Variants in NEK6 observed in about 807,000 individuals in gnomAD.
NEK6 encodes the protein NIMA related kinase 6, also known as serine/threonine-protein kinase Nek6.
A neutral mutation model predicts 43.5 loss-of-function variants in NEK6; 27 were observed. The ratio of observed to expected loss-of-function variants is 0.62; its 90% CI spans 0.46 to 0.86. The LOEUF (loss-of-function observed/expected upper bound fraction) is 0.86. NEK6 is among the 40% of genes least tolerant of loss of function. NEK6 has a pLI of 0.00. For missense variants in NEK6, 318 were observed against 414.4 expected, an observed-to-expected ratio of 0.77 and a Z score of 2.02; for synonymous variants, 167 against 164.1, an observed-to-expected ratio of 1.02 and a Z score of -0.14.
chr9:124,277,199 C>G (rs1831683319), intron 1 of NEK6, among the ~76,000 whole-genome samples: 1 of 152,176 alleles, frequency 6.6e-6, no homozygotes. Flanking sequence ...AATTCCAGCA[C>G]TTTGGGAGGC....
intron 1 of NEK6, among the ~76,000 whole-genome samples, chr9:124,293,742 G>C (rs528275196): frequency 6.6e-6 from 1 of 152,310 alleles, no homozygotes; most frequent in East Asian, 1.9e-4. Flanking sequence ...ACGCCCCCTG[G>C]GTGGCCCTCT....
intron 8 of NEK6, among the ~76,000 whole-genome samples, chr9:124,345,751 C>G (rs972565475): frequency 1.3e-5 from 2 of 152,244 alleles, no homozygotes; most frequent in African/African-American, 4.8e-5. Context: ...AATCCTCCAG[C>G]TGCAACTCGG....
At chr9:124,321,994 G>T (rs1194279933) in intron 5 of NEK6, among the ~76,000 whole-genome samples, 3 of 152,214 alleles carry the variant, frequency 2.0e-5, no homozygotes, top group Non-Finnish European at 4.4e-5. Flanking sequence ...CACCCCGTTT[G>T]GTCAGACCCC....
intron 3 of NEK6, among the ~76,000 whole-genome samples, chr9:124,313,700 T>C (rs1024939605): frequency 6.6e-6 from 1 of 152,060 alleles, no homozygotes; most frequent in African/African-American, 2.4e-5. Flanking sequence ...ACCTGGGCTC[T>C]CTGTCTTGGT....
In NEK6 at chr9:124,351,996, CAT is replaced by C. The variant is rs1204019339; in HGVS notation, c.*1050_*1051del. 33 of 152,700 alleles carry C rather than the reference CAT, an allele frequency of 2.2e-4. No homozygotes were observed. The highest frequency in any genetic ancestry group is 1.4e-3 in the Admixed American group (21 of 15,284). 9.5% of individuals were successfully genotyped at this position (152,700 alleles called of 1,614,324 possible). A position where few individuals can be genotyped will look rare whatever the true frequency, so the allele number is the denominator to read the frequency against. On this transcript the variant is annotated 3_prime_UTR_variant, in exon 10 of 10. Transcript: ENST00000320246. Reference sequence around the variant, plus strand: ...GTCGAGAATTAATGTACACCTGTATCATGTGTAGGAAACCAGAAATGTGTTCC... The same window carrying C: ...GTCGAGAATTAATGTACACCTGTATCGTGTAGGAAACCAGAAATGTGTTCC...
rs778322409 is a variant in NEK6, at chr9:124,347,794, C to A, written c.803C>A (p.Pro268Gln). 1.2e-6 allele frequency: 2 copies of A among 1,612,824 alleles called. No individual in the cohort carries two copies. Among genetic ancestry groups the A allele is most frequent in the Non-Finnish European group, 1.7e-6 (2 of 1,179,116 alleles). Reference sequence around the variant, plus strand: ...AAGATCGAGCAGTGTGACTACCCCCCACTCCCCGGGGAGCACTACTCCGAG... The same window carrying A: ...AAGATCGAGCAGTGTGACTACCCCCAACTCCCCGGGGAGCACTACTCCGAG... ...CQKIEQCDYP[P>Q]LPGEHYSEKL... The change falls in exon 9 of 10, where the codon CCA (proline) becomes CAA (glutamine). Residue 268 changes from proline (P) to glutamine (Q), a missense_variant. Around this residue, in one of 2 missense-constraint regions of NEK6, gnomAD observed 79 missense variants for 70.0 expected, o/e 1.13. Coordinates refer to ENST00000320246, the MANE Select transcript of NEK6 (RefSeq NM_014397.6).
intron 8 of NEK6, among the ~76,000 whole-genome samples, chr9:124,347,151 C>T (rs975159673): frequency 6.6e-6 from 1 of 152,212 alleles, no homozygotes; most frequent in African/African-American, 2.4e-5. Context: ...ACCCCCTGCT[C>T]CCCCTGCCCT....
At position 124,351,001 on chromosome 9, in the gene NEK6, C is replaced by A; in HGVS notation, c.*54C>A. 7.5e-7 allele frequency: 1 copy of A among 1,333,590 alleles called. No homozygotes were observed. Among genetic ancestry groups the A allele is most frequent in the South Asian group, 1.2e-5 (1 of 83,876 alleles). 82.6% of individuals were successfully genotyped at this position (1,333,590 alleles called of 1,614,324 possible). Reference sequence around the variant, plus strand: ...CAGCACCACTTTGCCTTACTTGAGTCGTCTTCTCTTCGAGTGGCCACCTGG... The same window carrying A: ...CAGCACCACTTTGCCTTACTTGAGTAGTCTTCTCTTCGAGTGGCCACCTGG... On this transcript the variant is annotated 3_prime_UTR_variant, in exon 10 of 10. Coordinates refer to ENST00000320246, the MANE Select transcript of NEK6 (RefSeq NM_014397.6).
At chr9:124,305,640 C>G (rs2130818622) in intron 2 of NEK6, among the ~76,000 whole-genome samples, 1 of 151,752 alleles carries the variant, frequency 6.6e-6, no homozygotes, top group South Asian at 2.1e-4. Context: ...GGTTTTTTTC[C>G]TGCCATGGGA....
rs1271715419 is a variant in NEK6, at chr9:124,324,097, G to GAGCT, written c.406-2232_406-2229dup. On this transcript the variant is annotated intron_variant, in intron 5 of 9. Transcript: ENST00000320246. This position sits in a 1 kb window ranked among gnomAD's most constrained non-coding sequence, Gnocchi z 5.3. ...CCCGGCTCAGGGGCCCTCACCTGCAGAGCTGGCTCGGTGCAGCCGCCAGCA... is the reference window on the plus strand; with the variant it reads ...CCCGGCTCAGGGGCCCTCACCTGCAGAGCTAGCTGGCTCGGTGCAGCCGCCAGCA... Among the ~76,000 whole-genome samples, 1 of 152,174 alleles carries GAGCT rather than the reference G, an allele frequency of 6.6e-6. No individual in the cohort carries two copies. Among genetic ancestry groups the GAGCT allele is most frequent in the Non-Finnish European group, 1.5e-5 (1 of 68,038 alleles).
intron 1 of NEK6, chr9:124,292,313 CA>C (rs1279308938): frequency 1.4e-6 from 2 of 1,405,072 alleles, no homozygotes; most frequent in Non-Finnish European, 1.9e-6. Flanking sequence ...TAGCCTGGGA[CA>C]GGGGTGGCTG....
intron 1 of NEK6, chr9:124,292,738 G>A: frequency 2.6e-6 from 3 of 1,162,656 alleles, no homozygotes; most frequent in Non-Finnish European, 3.5e-6. Context: ...CTGGCCTCAG[G>A]TGTTTCTGTA....
At chr9:124,285,380 A>G (rs1001522536) in intron 1 of NEK6, among the ~76,000 whole-genome samples, 21 of 152,162 alleles carry the variant, frequency 1.4e-4, no homozygotes, top group African/African-American at 4.8e-4. Context: ...CCCCTCCTGC[A>G]GTCTCAGAGG....
intron 1 of NEK6, among the ~76,000 whole-genome samples, chr9:124,286,765 G>T (rs1003194956): frequency 1.3e-5 from 2 of 152,246 alleles, no homozygotes; most frequent in African/African-American, 4.8e-5. Context: ...TCTGCTGGGC[G>T]CCCCAGCCAT....
chr9:124,269,370 A>C (rs1208642223), intron 1 of NEK6, among the ~76,000 whole-genome samples: 1 of 150,740 alleles, frequency 6.6e-6, no homozygotes, highest in African/African-American at 2.4e-5. Flanking sequence ...GCTTGGTGCT[A>C]ACTGGACTTT....
chr9:124,279,307 T>C (rs1831789764), intron 1 of NEK6, among the ~76,000 whole-genome samples: 2 of 150,184 alleles, frequency 1.3e-5, no homozygotes, highest in African/African-American at 4.9e-5. Flanking sequence ...TCCCTTTTTT[T>C]TTTTTTTTTT....
intron 1 of NEK6, among the ~76,000 whole-genome samples, chr9:124,283,291 C>T (rs760821031): frequency 3.9e-5 from 6 of 152,222 alleles, no homozygotes; most frequent in African/African-American, 7.2e-5. Context: ...GAGCCCAGAA[C>T]GTAAATTTCA....
At chr9:124,321,436 T>G in intron 4 of NEK6, 23 bp from the exon 5 acceptor site, 1 of 1,510,770 alleles carries the variant, frequency 6.6e-7, no homozygotes, top group Non-Finnish European at 9.2e-7. Flanking sequence ...GGTGCCCCCT[T>G]CCCTCTTTCC....
At position 124,330,759 on chromosome 9, in the gene NEK6, G is replaced by A. The variant is rs182352197; in HGVS notation, c.622+3314G>A. Among the ~76,000 whole-genome samples, 454 of 152,286 alleles carry A rather than the reference G, an allele frequency of 3.0e-3. 3 individuals carry two copies. Among genetic ancestry groups the A allele is most frequent in the African/African-American group, 0.01 (435 of 41,576 alleles). On this transcript the variant is annotated intron_variant, in intron 7 of 9. Transcript: ENST00000320246. The stretch of plus-strand genomic sequence containing the variant: ...GGGACAGACACAGTCCATGCCAGGT[G>A]GCATGGTGAGGGGACAGGTGGGACT...
Sources: allele counts gnomAD v4.1 joint callset (sites outside exome capture counted in the v4.1 genomes callset), GRCh38; gene constraint gnomAD v4.1.1; regional missense constraint gnomAD v4.1.1; non-coding constraint Gnocchi (gnomAD v3.1); transcripts MANE v1.5; gene names NCBI Gene and HGNC (gene_info 2026-07-23, HGNC 2026-07-21).